The following TAS1R2 variants were observed in gnomAD, a reference collection of about 807,000 sequenced individuals.
TAS1R2 encodes taste receptor type 1 member 2.
In TAS1R2, 47 loss-of-function variants were observed where a neutral mutation model predicts 49.3. The ratio of observed to expected loss-of-function variants is 0.95; its 90% CI spans 0.75 to 1.22. The LOEUF is 1.22. Ranked by LOEUF, TAS1R2 falls within the 50% of genes most tolerant of loss-of-function variation. The pLI is 0.00. For missense variants in TAS1R2, 1,155 were observed against 1,122.1 expected, an observed-to-expected ratio of 1.03 and a Z score of -0.42; for synonymous variants, 479 against 467.9, an observed-to-expected ratio of 1.02 and a Z score of -0.31.
chr1:18,847,933 G>A (rs1283433779), intron 4 of TAS1R2, among the ~76,000 whole-genome samples: 1 of 152,238 alleles, frequency 6.6e-6, no homozygotes, highest in African/African-American at 2.4e-5. Flanking sequence ...AGCAAGCGGA[G>A]AGAGCTTGTG....
At chr1:18,840,185 A>G (rs747029063) in exon 6 of TAS1R2, 1 of 1,614,188 alleles carries the variant, frequency 6.2e-7, no homozygotes, top group East Asian at 2.2e-5. Flanking sequence ...GATACAGGAG[A>G]TGCAGATTGT....
At chr1:18,846,993 C>T (rs1933933967) in intron 4 of TAS1R2, among the ~76,000 whole-genome samples, 1 of 152,198 alleles carries the variant, frequency 6.6e-6, no homozygotes, top group South Asian at 2.1e-4. Flanking sequence ...CTTGCTGCTC[C>T]AGCCATGTAA....
chr1:18,845,763 T>C (rs923977215), intron 4 of TAS1R2, among the ~76,000 whole-genome samples: 2 of 152,004 alleles, frequency 1.3e-5, no homozygotes, highest in Non-Finnish European at 2.9e-5. Flanking sequence ...CACCTGCGGG[T>C]GGGAATCTGC....
Position 18,854,812 on chromosome 1 carries a change from C to T in TAS1R2, c.658G>A (p.Gly220Ser). ...GCCACGCGCTCGCCAAGCAGCTGGC[C>T]ATTGTCGCGGCCATAGGTGTCGCTG... The change falls in exon 3 of 6, where the codon GGC becomes AGC. Residue 220 changes from glycine (G) to serine (S), a missense_variant. Gly to Ser is a moderately conservative substitution (Grantham distance 56). Coordinates refer to ENST00000375371, the Ensembl canonical transcript of TAS1R2. This position sits in a 1 kb window ranked among gnomAD's most constrained non-coding sequence, Gnocchi z 4.9. The T allele has an allele frequency of 6.2e-7, 1 of 1,606,800 alleles. No homozygotes were observed. The highest frequency in any genetic ancestry group is 8.5e-7 in the Non-Finnish European group (1 of 1,179,066).
chr1:18,849,472 G>T, exon 4 of TAS1R2: 1 of 1,614,260 alleles, frequency 6.2e-7, no homozygotes, highest in Non-Finnish European at 8.5e-7. Context: ...TCCAAGTGCA[G>T]AGCCACGTCC....
chr1:18,840,098 C>T lies in TAS1R2; in HGVS notation c.2021G>A (p.Arg674His), dbSNP rs112938926. The T allele has an allele frequency of 1.2e-4, 191 of 1,614,210 alleles. 1 individual carries two copies. The African/African-American group carries it at 1.8e-3, about 15-fold the overall frequency. The change falls in exon 6 of 6, where the codon CGC becomes CAC. Residue 674 changes from arginine (R) to histidine (H), a missense_variant. Arg to His is a conservative substitution (Grantham distance 29). Coordinates refer to ENST00000375371, the Ensembl canonical transcript of TAS1R2. ...CATAGAGACGTAGGGCCCCTGGTAG[C>T]GGACCCAGTAGCTGTAGGCGCGTGG...
Position 18,840,065 on chromosome 1 carries a change from A to G in TAS1R2, c.2054T>C (p.Ile685Thr), listed in dbSNP as rs764599825. ...CACAATGACCATTTTGAGTACCGTGATAAATGCCATAGAGACGTAGGGCCC... is the reference window on the plus strand; with the variant it reads ...CACAATGACCATTTTGAGTACCGTGGTAAATGCCATAGAGACGTAGGGCCC... The change falls in exon 6 of 6, where the codon ATC becomes ACC. Residue 685 changes from isoleucine to threonine, a missense_variant. Ile to Thr is a moderately conservative substitution (Grantham distance 89). Transcript: ENST00000375371. The G allele has an allele frequency of 3.1e-6, 5 of 1,614,248 alleles. No individual in the cohort carries two copies. The Middle Eastern group carries it at 4.9e-4, about 160-fold the overall frequency.
rs533403252 is a variant in TAS1R2 at position 18,859,015 on chromosome 1, G to A, written c.182+464C>T. On this transcript the variant is annotated intron_variant, in intron 1 of 5. Coordinates refer to ENST00000375371, the Ensembl canonical transcript of TAS1R2. ...GCTGCCACCCCAAGGGGCTCAGGGA[G>A]GAGGTGGGGGAAGAGGAACTTCCCT... is the stretch of plus-strand genomic sequence containing the variant. Among the ~76,000 whole-genome samples, 3 of 152,292 alleles carry A rather than the reference G, an allele frequency of 2.0e-5. No homozygotes were observed. The South Asian group carries it at 6.2e-4, about 32-fold the overall frequency.
rs201820848 is a variant in TAS1R2 at position 18,851,336 on chromosome 1, C to CTT, written c.1258-1788_1258-1787dup. 1.3e-4 allele frequency among the ~76,000 whole-genome samples: 19 copies of CTT among 151,648 alleles called. No homozygotes were observed. The South Asian group carries it at 1.9e-3, about 15-fold the overall frequency. The stretch of plus-strand genomic sequence containing the variant: ...ATGACTGGCTGAACATTTTGTTTTG[C>CTT]TTTTTTTTTAAGACGGAGTCTCACT... On this transcript the variant is annotated intron_variant, in intron 3 of 5. Coordinates refer to ENST00000375371, the Ensembl canonical transcript of TAS1R2.
In TAS1R2 at chr1:18,849,362, GGAGAT is replaced by G. The variant is rs1933978742; in HGVS notation, c.1441_1445del (p.Ile481LeufsTer48). ...TGACCGTGTTGTTGATGGTGTGCCA[GGAGAT>G]GTCTTGGATGTTCTTCAGCTGTCGC... On this transcript the variant is annotated frameshift_variant, in exon 4 of 6. Coordinates refer to ENST00000375371, the Ensembl canonical transcript of TAS1R2. LOFTEE classifies it high-confidence loss of function. 6.2e-7 allele frequency: 1 copy of G among 1,614,114 alleles called. No homozygotes were observed. The highest frequency in any genetic ancestry group is 1.3e-5 in the African/African-American group (1 of 75,072).
chr1:18,857,689 T>C (rs1934164554), intron 1 of TAS1R2, 58 bp from the exon 2 acceptor site: 1 of 1,554,342 alleles, frequency 6.4e-7, no homozygotes, highest in South Asian at 1.2e-5. Context: ...AAGGAAGAGA[T>C]AAGAGAACCA....
At chr1:18,846,249 C>A (rs1258939883) in intron 4 of TAS1R2, among the ~76,000 whole-genome samples, 1 of 152,214 alleles carries the variant, frequency 6.6e-6, no homozygotes, top group African/African-American at 2.4e-5. Context: ...CACAGAGCAA[C>A]CCCTGACCAC....
intron 4 of TAS1R2, among the ~76,000 whole-genome samples, chr1:18,843,308 C>T (rs1218099987): frequency 6.6e-6 from 1 of 152,140 alleles, no homozygotes; most frequent in East Asian, 1.9e-4. Context: ...TGGAGATAAA[C>T]CTTGTAAAGA....
Position 18,857,168 on chromosome 1 carries a change from A to G in TAS1R2, c.483+163T>C, listed in dbSNP as rs367963944. Among the ~76,000 whole-genome samples the G allele has an allele frequency of 1.7e-3, 257 of 152,340 alleles. 7 individuals are homozygous for G. In the South Asian group the frequency reaches 0.049, roughly 29 times the overall value. Reference sequence around the variant, plus strand: ...CTTCCAAAGCCTGAGCCCTTACTCCATAAGCTGGGCTACCTTCTCAAGATT... The same window carrying G: ...CTTCCAAAGCCTGAGCCCTTACTCCGTAAGCTGGGCTACCTTCTCAAGATT... On this transcript the variant is annotated intron_variant, in intron 2 of 5. Coordinates refer to ENST00000375371, the Ensembl canonical transcript of TAS1R2.
Position 18,854,363 on chromosome 1 carries a change from G to A in TAS1R2, c.1107C>T (p.Ala369=), listed in dbSNP as rs878986537. ...TGAGAATGGTGTTGAAGGACAAGGT[G>A]GCGTTCAGGCAGTTGTCGCACTCCT... is the stretch of plus-strand genomic sequence containing the variant. The change falls in exon 3 of 6, where the codon GCC becomes GCT. Residue 369 remains alanine, a synonymous_variant. Transcript: ENST00000375371. This position sits in a 1 kb window ranked among gnomAD's most constrained non-coding sequence, Gnocchi z 4.9. The A allele has an allele frequency of 6.2e-7, 1 of 1,613,818 alleles. No homozygotes were observed. Among genetic ancestry groups the A allele is most frequent in the South Asian group, 1.1e-5 (1 of 91,014 alleles).
rs959210371 is a variant in TAS1R2 at position 18,849,231 on chromosome 1, T to C, written c.1467+110A>G. The C allele has an allele frequency of 5.3e-6, 6 of 1,140,694 alleles. No homozygotes were observed. In the African/African-American group the frequency reaches 6.2e-5, roughly 12 times the overall value. The allele number at this position is 1,140,694 out of a possible 1,614,324, so 70.7% of individuals were successfully genotyped here. On this transcript the variant is annotated intron_variant, in intron 4 of 5. Coordinates refer to ENST00000375371, the Ensembl canonical transcript of TAS1R2. The stretch of plus-strand genomic sequence containing the variant: ...CCACAAATAGACATCCCCCCAGAGA[T>C]TGATAAAGCATCTCCAGGCTCTGTC...
At chr1:18,839,674 G>A in exon 6 of TAS1R2, 2 of 1,614,224 alleles carry the variant, frequency 1.2e-6, no homozygotes, top group Non-Finnish European at 1.7e-6. Context: ...GGTAGAAGAG[G>A]ATCATGTAGC....
At chr1:18,849,481 C>G in exon 4 of TAS1R2, 1 of 1,614,228 alleles carries the variant, frequency 6.2e-7, no homozygotes, top group Non-Finnish European at 8.5e-7. Flanking sequence ...AGAGCCACGT[C>G]CCCTTGCGGG....
At chr1:18,841,951 A>G in intron 4 of TAS1R2, 99 bp from the exon 5 acceptor site, 1 of 1,290,694 alleles carries the variant, frequency 7.7e-7, no homozygotes, top group Non-Finnish European at 1.0e-6. Context: ...GAGGAAGCCT[A>G]GAAGCCCCCT....
Sources: allele counts gnomAD v4.1 joint callset (sites outside exome capture counted in the v4.1 genomes callset), GRCh38; gene constraint gnomAD v4.1.1; non-coding constraint Gnocchi (gnomAD v3.1); transcripts MANE v1.5; gene names NCBI Gene and HGNC (gene_info 2026-07-23, HGNC 2026-07-21).